Variants in CUL9 observed in about 807,000 individuals in gnomAD.
CUL9 encodes cullin-9.
A neutral mutation model predicts 272.6 loss-of-function variants in CUL9; 79 were observed. The observed-to-expected ratio is 0.29, with a 90% CI of 0.24 to 0.35. The LOEUF is 0.35. Among genes scored for constraint, CUL9 ranks in the 10% least tolerant of loss-of-function variants. The pLI, the probability that CUL9 is intolerant of heterozygous loss-of-function variation, is 1.00. For synonymous variants in CUL9, 1,186 were observed against 1,286.5 expected, an observed-to-expected ratio of 0.92 and a Z score of 1.67; for missense variants, 2,532 against 3,255.6, an observed-to-expected ratio of 0.78 and a Z score of 5.41.
In CUL9 at chr6:43,220,906, C is replaced by A; in HGVS notation, c.6583C>A (p.Pro2195Thr). 1 of 1,610,344 alleles carries A rather than the reference C, an allele frequency of 6.2e-7. No homozygotes were observed. Among genetic ancestry groups the A allele is most frequent in the Non-Finnish European group, 8.5e-7 (1 of 1,178,274 alleles). Reference protein sequence around the residue: ...GWASCFNCSFPEAHYPASCGH... With the variant: ...GWASCFNCSFTEAHYPASCGH... ...GGCCTCTTGCTTCAACTGTAGCTTC[C>A]CTGAGGTGGGAGCCCCACACTGGCC... Residue 2195 changes from proline to threonine, a missense_variant, in exon 33 of 41, where the codon CCT becomes ACT. Coordinates refer to ENST00000252050, the MANE Select transcript of CUL9 (RefSeq NM_015089.4). The surrounding 1 kb of genome is among the most constrained non-coding windows in gnomAD (Gnocchi z 4.9).
intron 26 of CUL9, among the ~76,000 whole-genome samples, chr6:43,209,150 T>TC (rs961273383): frequency 6.7e-5 from 10 of 149,018 alleles, no homozygotes; most frequent in Non-Finnish European, 1.0e-4. Context: ...TTTCTTTCTT[T>TC]TTTTTTTTTT....
At chr6:43,215,623 AGC>A (rs1775875174) in intron 30 of CUL9, among the ~76,000 whole-genome samples, 1 of 152,216 alleles carries the variant, frequency 6.6e-6, no homozygotes, top group African/African-American at 2.4e-5. Context: ...CTAATCAACC[AGC>A]ACCCCTAAAG....
In CUL9 at chr6:43,184,990, T is replaced by C; in HGVS notation, c.595+85T>C. On this transcript the variant is annotated intron_variant, in intron 2 of 40. Coordinates refer to ENST00000252050, the MANE Select transcript of CUL9 (RefSeq NM_015089.4). The surrounding 1 kb of genome is among the most constrained non-coding windows in gnomAD (Gnocchi z 4.8). Reference sequence around the variant, plus strand: ...AAAGAGGAGAGATTTCCTAGCTCTGTAAGAACACCTAGTATTTGGTGAATA... The same window carrying C: ...AAAGAGGAGAGATTTCCTAGCTCTGCAAGAACACCTAGTATTTGGTGAATA... The C allele has an allele frequency of 1.0e-6, 1 of 995,982 alleles. No individual in the cohort carries two copies. The allele number at this position is 995,982 out of a possible 1,614,324, so 61.7% of individuals were successfully genotyped here.
rs763589222 is a variant in CUL9, at chr6:43,205,992, CTG to C, written c.4794-8_4794-7del. The stretch of plus-strand genomic sequence containing the variant: ...CACCCACACTGAGGCTTGGCCCGGG[CTG>C]TGTGTGCTGCAGGCATTATATGGCG... On this transcript the variant is annotated splice_polypyrimidine_tract_variant and intron_variant, in intron 24 of 40. Transcript: ENST00000252050. The C allele has an allele frequency of 3.1e-6, 5 of 1,610,330 alleles. No individual in the cohort carries two copies. Among genetic ancestry groups the C allele is most frequent in the Non-Finnish European group, 4.2e-6 (5 of 1,177,030 alleles).
intron 20 of CUL9, 30 bp downstream of exon 20, chr6:43,204,017 C>G: frequency 6.4e-7 from 1 of 1,569,646 alleles, no homozygotes; most frequent in Non-Finnish European, 8.7e-7. Context: ...GCCCCACTAA[C>G]CAGTTCCTTG....
chr6:43,202,209 C>T lies in CUL9; in HGVS notation c.3648-507C>T, dbSNP rs149531317. Among the ~76,000 whole-genome samples the T allele has an allele frequency of 7.8e-4, 118 of 152,212 alleles. No homozygotes were observed. In the East Asian group the frequency reaches 0.013, roughly 17 times the overall value. On this transcript the variant is annotated intron_variant, in intron 16 of 40. Transcript: ENST00000252050. Reference sequence around the variant, plus strand: ...TATTTCCCAGGAGAGAAACAGGAAGCGGGACAGGTTTATGTGGACAGATGA... The same window carrying T: ...TATTTCCCAGGAGAGAAACAGGAAGTGGGACAGGTTTATGTGGACAGATGA...
At chr6:43,198,297 G>T (rs1212699115) in intron 11 of CUL9, 2 of 981,850 alleles carry the variant, frequency 2.0e-6, no homozygotes, top group Non-Finnish European at 2.4e-6. Context: ...CCACCATGCA[G>T]GTAGTACAGG....
intron 9 of CUL9, 126 bp downstream of exon 9, chr6:43,193,334 T>C: frequency 1.2e-6 from 1 of 823,392 alleles, no homozygotes; most frequent in South Asian, 1.6e-5. Context: ...AAGATGCAGA[T>C]GGTTTTAAGA....
At position 43,221,235 on chromosome 6, in the gene CUL9, G is replaced by A. The variant is rs1276727875; in HGVS notation, c.6666G>A (p.Glu2222=). ...GCTACTATGACGGCATGAGCGTGGA[G>A]GCGCAGAGCAAGCACCTGGCCAAGC... is the stretch of plus-strand genomic sequence containing the variant. ...DGGYYDGMSV[E]AQSKHLAKLI... Residue 2222 remains glutamate, a synonymous_variant, in exon 34 of 41, where the codon GAG becomes GAA. Transcript: ENST00000252050. The surrounding 1 kb of genome is among the most constrained non-coding windows in gnomAD (Gnocchi z 4.2). The A allele has an allele frequency of 3.1e-6, 5 of 1,611,866 alleles. No individual in the cohort carries two copies. In the South Asian group the frequency reaches 3.3e-5, roughly 11 times the overall value.
Position 43,223,905 on chromosome 6 carries a change from C to T in CUL9, c.7285-190C>T. Reference sequence around the variant, plus strand: ...TTAAGCACAGGGTCGTGTGCCTCACCTGGTACCCCGTATCCCTGGAGACCA... The same window carrying T: ...TTAAGCACAGGGTCGTGTGCCTCACTTGGTACCCCGTATCCCTGGAGACCA... On this transcript the variant is annotated intron_variant, in intron 39 of 40. Coordinates refer to ENST00000252050, the MANE Select transcript of CUL9 (RefSeq NM_015089.4). The surrounding 1 kb of genome is among the most constrained non-coding windows in gnomAD (Gnocchi z 4.1). 2 of 634,996 alleles carry T rather than the reference C, an allele frequency of 3.1e-6. No individual in the cohort carries two copies. The highest frequency in any genetic ancestry group is 1.8e-5 in the South Asian group (1 of 56,756). 39.3% of individuals were successfully genotyped at this position (634,996 alleles called of 1,614,324 possible). A position where few individuals can be genotyped will look rare whatever the true frequency, so the allele number is the denominator to read the frequency against.
intron 16 of CUL9, among the ~76,000 whole-genome samples, chr6:43,202,236 C>CATTTCATTT (rs1289164840): frequency 3.3e-5 from 5 of 152,162 alleles, no homozygotes; most frequent in Non-Finnish European, 7.3e-5. Context: ...GACAGATGAT[C>CATTTCATTT]ATTTCATTTG....
At chr6:43,202,863 T>G (rs753410135) in intron 17 of CUL9, 42 bp downstream of exon 17, 48 of 1,576,440 alleles carry the variant, frequency 3.0e-5, no homozygotes, top group Non-Finnish European at 4.0e-5. Flanking sequence ...TCCACATCCT[T>G]CTTTTTGTCC....
Position 43,188,066 on chromosome 6 carries a change from T to C in CUL9, c.1935T>C (p.Leu645=), listed in dbSNP as rs775370901. Reference sequence around the variant, plus strand: ...GTGATTCTCAGCTGTTTAACCAGCTTCTGGTGACTGAGGGGATGACCCTGC... The same window carrying C: ...GTGATTCTCAGCTGTTTAACCAGCTCCTGGTGACTGAGGGGATGACCCTGC... ...AQSDSQLFNQ[L]LVTEGMTLPT... The change falls in exon 7 of 41, where the codon CTT becomes CTC. Residue 645 remains leucine (L), a synonymous_variant. Coordinates refer to ENST00000252050, the MANE Select transcript of CUL9 (RefSeq NM_015089.4). 1.2e-6 allele frequency: 2 copies of C among 1,613,058 alleles called. No homozygotes were observed. Among genetic ancestry groups the C allele is most frequent in the East Asian group, 4.5e-5 (2 of 44,812 alleles).
At chr6:43,208,349 G>A (rs1314667267) in intron 26 of CUL9, among the ~76,000 whole-genome samples, 1 of 152,112 alleles carries the variant, frequency 6.6e-6, no homozygotes. Context: ...GGGATTACAG[G>A]TGTGCACCAC....
At chr6:43,204,596 C>G in intron 21 of CUL9, 57 bp downstream of exon 21, 1 of 1,604,838 alleles carries the variant, frequency 6.2e-7, no homozygotes, top group South Asian at 1.1e-5. Flanking sequence ...GTATCTGGCT[C>G]CCTCCTCCCT....
At position 43,204,791 on chromosome 6, in the gene CUL9, G is replaced by A. The variant is rs45496798; in HGVS notation, c.4383G>A (p.Ser1461=). Residue 1461 remains serine (S), a synonymous_variant, in exon 22 of 41, where the codon TCG becomes TCA. Coordinates refer to ENST00000252050, the MANE Select transcript of CUL9 (RefSeq NM_015089.4). ...GTCGGGACCGGAGCCCGGCGCCTTCGCCAGTGCTTCCAAGCAGCAGCCTGA... is the reference window on the plus strand; with the variant it reads ...GTCGGGACCGGAGCCCGGCGCCTTCACCAGTGCTTCCAAGCAGCAGCCTGA... The part of the protein sequence containing the change: ...SKGRDRSPAP[S]PVLPSSSLRN... The A allele has an allele frequency of 0.014, 22,971 of 1,614,172 alleles. 192 individuals are homozygous for A. The highest frequency in any genetic ancestry group is 0.016 in the Non-Finnish European group (18,685 of 1,180,018).
intron 24 of CUL9, among the ~76,000 whole-genome samples, 178 bp from the exon 25 acceptor site, chr6:43,205,829 C>CAAA (rs752924474): frequency 1.2e-5 from 1 of 80,100 alleles, no homozygotes; most frequent in Admixed American, 1.3e-4. Context: ...GACTCCGTCT[C>CAAA]AAAAAAAAAA....
Position 43,185,939 on chromosome 6 carries a change from G to T in CUL9, c.751-16G>T. ...CCAGGAAGAGATGAACCTGTCCCAAGGATTGTGTCTTACAGATCCCAGGAA... is the reference window on the plus strand; with the variant it reads ...CCAGGAAGAGATGAACCTGTCCCAATGATTGTGTCTTACAGATCCCAGGAA... On this transcript the variant is annotated splice_polypyrimidine_tract_variant and intron_variant, in intron 3 of 40. Transcript: ENST00000252050. 6.3e-7 allele frequency: 1 copy of T among 1,586,920 alleles called. No individual in the cohort carries two copies. The highest frequency in any genetic ancestry group is 1.1e-5 in the South Asian group (1 of 87,268).
intron 31 of CUL9, among the ~76,000 whole-genome samples, chr6:43,219,218 G>C (rs1402535247): frequency 2.6e-5 from 4 of 152,050 alleles, no homozygotes; most frequent in Non-Finnish European, 4.4e-5. Flanking sequence ...GAGACAAGGG[G>C]CCTGAAAACC....
Sources: allele counts gnomAD v4.1 joint callset (sites outside exome capture counted in the v4.1 genomes callset), GRCh38; gene constraint gnomAD v4.1.1; non-coding constraint Gnocchi (gnomAD v3.1); transcripts MANE v1.5; gene names NCBI Gene and HGNC (gene_info 2026-07-23, HGNC 2026-07-21).